The following LBP variants were observed in gnomAD, a reference collection of about 807,000 sequenced individuals.
LBP encodes lipopolysaccharide binding protein.
Under a neutral mutation model 56.6 loss-of-function variants are expected in LBP, and 53 were observed. The ratio of observed to expected loss-of-function variants is 0.94; its 90% CI spans 0.75 to 1.18. The LOEUF (loss-of-function observed/expected upper bound fraction) is 1.18, where lower values mean the gene tolerates loss of function less well. LBP is among the 50% of genes most tolerant of loss of function. The probability of loss-of-function intolerance (pLI) is 0.00; values close to 1 mark genes in which losing one functional copy is unlikely to be tolerated. For missense variants in LBP, 601 were observed against 598.3 expected, an observed-to-expected ratio of 1.00 and a Z score of -0.05; for synonymous variants, 227 against 247.5, an observed-to-expected ratio of 0.92 and a Z score of 0.78.
chr20:38,369,291 G>A (rs762163942), intron 10 of LBP, 129 bp downstream of exon 10: 49 of 926,332 alleles, frequency 5.3e-5, no homozygotes, highest in Middle Eastern at 3.3e-4. Flanking sequence ...ATTACTTCCC[G>A]AGAGAGGGCT....
chr20:38,375,590 A>G (rs1190805027), intron 14 of LBP, among the ~76,000 whole-genome samples: 1 of 152,208 alleles, frequency 6.6e-6, no homozygotes, highest in East Asian at 1.9e-4. Context: ...CAAAAGAAAA[A>G]AAAAATTAAC....
rs147682433 is a variant in LBP, at chr20:38,349,549, G to A, written c.126G>A (p.Ala42=). ...CTCCCAGCTATTTCCTTTCCACAGC[G>A]GCCCAGGAGGGGCTATTAGCTCTGC... ...ARITDKGLQY[A]AQEGLLALQS... is the part of the protein sequence containing the mutation. The change falls in exon 2 of 15, where the codon GCG becomes GCA. Residue 42 remains alanine, a splice_region_variant and synonymous_variant. Coordinates refer to ENST00000217407, the MANE Select transcript of LBP (RefSeq NM_004139.5). The A allele has an allele frequency of 1.1e-4, 175 of 1,598,646 alleles. No homozygotes were observed. The highest frequency in any genetic ancestry group is 2.7e-4 in the South Asian group (24 of 88,376).
At position 38,368,995 on chromosome 20, in the gene LBP, TTAGCCAGGCTC is replaced by T. The variant is rs778108200; in HGVS notation, c.985_995del (p.Ala329ProfsTer54). 1 of 1,614,134 alleles carries T rather than the reference TTAGCCAGGCTC, an allele frequency of 6.2e-7. No individual in the cohort carries two copies. Among genetic ancestry groups the T allele is most frequent in the Non-Finnish European group, 8.5e-7 (1 of 1,179,966 alleles). On this transcript the variant is annotated frameshift_variant and splice_region_variant, in exon 10 of 15. Coordinates refer to ENST00000217407, the MANE Select transcript of LBP (RefSeq NM_004139.5). LOFTEE classifies it high-confidence loss of function. ...TGTAATCTCCTAATTCTGCTCCCAG[TTAGCCAGGCTC>T]TACCCCAACATGAACCTGGAACTCC... is the stretch of plus-strand genomic sequence containing the variant.
chr20:38,347,120 G>A (rs1381390492), intron 1 of LBP, among the ~76,000 whole-genome samples: 2 of 152,208 alleles, frequency 1.3e-5, no homozygotes, highest in Non-Finnish European at 2.9e-5. Context: ...GAGGTCTGCC[G>A]GGGTGCTGGA....
At chr20:38,374,139 C>A in intron 14 of LBP, 126 bp downstream of exon 14, 2 of 926,644 alleles carry the variant, frequency 2.2e-6, no homozygotes, top group Non-Finnish European at 3.4e-6. Context: ...TGGCCAGGGG[C>A]AGGACGGGTG....
At chr20:38,356,086 AC>A (rs2076837838) in intron 5 of LBP, among the ~76,000 whole-genome samples, 1 of 125,514 alleles carries the variant, frequency 8.0e-6, no homozygotes, top group Non-Finnish European at 1.7e-5. Flanking sequence ...CACACACCAC[AC>A]CCCACACACA....
At chr20:38,348,438 G>A (rs536077540) in intron 1 of LBP, among the ~76,000 whole-genome samples, 4 of 151,812 alleles carry the variant, frequency 2.6e-5, no homozygotes, top group South Asian at 4.2e-4. Context: ...TCAGCCTCCC[G>A]AGTAGCTGGG....
At chr20:38,374,771 A>G (rs2076912247) in intron 14 of LBP, among the ~76,000 whole-genome samples, 1 of 146,176 alleles carries the variant, frequency 6.8e-6, no homozygotes, top group Admixed American at 7.0e-5. Flanking sequence ...AACAAGTACT[A>G]CAACCATATA....
At chr20:38,348,886 C>T (rs1413852187) in intron 1 of LBP, among the ~76,000 whole-genome samples, 1 of 152,034 alleles carries the variant, frequency 6.6e-6, no homozygotes, top group Non-Finnish European at 1.5e-5. Context: ...CTCTGCCTCC[C>T]GGGTTCAAGT....
intron 5 of LBP, among the ~76,000 whole-genome samples, chr20:38,357,919 T>C (rs998420603): frequency 6.6e-6 from 1 of 152,206 alleles, no homozygotes; most frequent in East Asian, 1.9e-4. Context: ...TGTATTATAA[T>C]TAACATATAA....
Position 38,364,572 on chromosome 20 carries a change from C to G in LBP, c.745-4C>G. 1 of 1,613,972 alleles carries G rather than the reference C, an allele frequency of 6.2e-7. No homozygotes were observed. Among genetic ancestry groups the G allele is most frequent in the Non-Finnish European group, 8.5e-7 (1 of 1,179,916 alleles). The stretch of plus-strand genomic sequence containing the variant: ...GTCCAATTGGACCCTATTTCCCTCT[C>G]CAGGGTGAAATCTTTCATCGTAACC... On this transcript the variant is annotated splice_polypyrimidine_tract_variant and splice_region_variant and intron_variant, in intron 7 of 14. Transcript: ENST00000217407.
intron 2 of LBP, among the ~76,000 whole-genome samples, chr20:38,350,402 T>C (rs1403964936): frequency 6.6e-6 from 1 of 152,176 alleles, no homozygotes; most frequent in Admixed American, 6.5e-5. Flanking sequence ...CCTGAATCTG[T>C]TTCCCCCCTA....
rs1223982939 is a variant in LBP at position 38,364,031 on chromosome 20, C to T, written c.709C>T (p.Arg237Trp). Residue 237 changes from arginine (R) to tryptophan (W), a missense_variant, in exon 7 of 15, where the codon CGG becomes TGG. By Grantham distance (101) the Arg-to-Trp change is moderately radical. Coordinates refer to ENST00000217407, the MANE Select transcript of LBP (RefSeq NM_004139.5). ...DIDYSLVEAP[R>W]ATAQMLEVMF... ...TGATTATAGCTTAGTGGAAGCCCCT[C>T]GGGCAACAGCCCAGATGCTGGAGGT... The T allele has an allele frequency of 3.1e-6, 5 of 1,613,910 alleles. No homozygotes were observed. The highest frequency in any genetic ancestry group is 4.2e-6 in the Non-Finnish European group (5 of 1,179,832).
chr20:38,348,542 C>G (rs536698396), intron 1 of LBP, among the ~76,000 whole-genome samples: 1 of 152,204 alleles, frequency 6.6e-6, no homozygotes, highest in South Asian at 2.1e-4. Flanking sequence ...CGATGATCCA[C>G]CCGCCTCGGC....
At chr20:38,354,205 C>G in intron 3 of LBP, 79 bp from the exon 4 acceptor site, 1 of 1,270,050 alleles carries the variant, frequency 7.9e-7, no homozygotes, top group Non-Finnish European at 1.1e-6. Flanking sequence ...GAGGTCAGAA[C>G]TGAGCCTTCT....
chr20:38,364,111 G>C, intron 7 of LBP, 45 bp downstream of exon 7: 1 of 1,350,478 alleles, frequency 7.4e-7, no homozygotes, highest in Non-Finnish European at 1.1e-6. Context: ...CTTTCCCTCA[G>C]GGTCAGCCAT....
In LBP at chr20:38,358,628, G is replaced by A. The variant is rs1307110983; in HGVS notation, c.589-2076G>A. 2.0e-5 allele frequency among the ~76,000 whole-genome samples: 3 copies of A among 152,176 alleles called. No homozygotes were observed. In the East Asian group the frequency reaches 5.8e-4, roughly 29 times the overall value. On this transcript the variant is annotated intron_variant, in intron 5 of 14. Coordinates refer to ENST00000217407, the MANE Select transcript of LBP (RefSeq NM_004139.5). ...TCCTCTCCCAGAAAATGGAGCAGCTGCAAAGAGAGGTTAAGATACAGCCCT... is the reference window on the plus strand; with the variant it reads ...TCCTCTCCCAGAAAATGGAGCAGCTACAAAGAGAGGTTAAGATACAGCCCT...
At position 38,376,670 on chromosome 20, in the gene LBP, G is replaced by A. The variant is rs912701463; in HGVS notation, c.*1G>A. 3.1e-6 allele frequency: 5 copies of A among 1,613,336 alleles called. No homozygotes were observed. In the African/African-American group the frequency reaches 4.0e-5, roughly 13 times the overall value. On this transcript the variant is annotated 3_prime_UTR_variant, in exon 15 of 15. Transcript: ENST00000217407. ...CAATGTCCAATACATGAGAGTTTGA[G>A]GACAAGAAAGATGAAGCTTGGAGGT...
chr20:38,366,738 C>T, intron 8 of LBP, 31 bp from the exon 9 acceptor site: 6 of 1,610,328 alleles, frequency 3.7e-6, no homozygotes, highest in Non-Finnish European at 5.1e-6. Context: ...GCGGGAGCAC[C>T]CTAAAACTTC....
Sources: gnomAD v4.1 joint callset for allele counts (sites outside exome capture counted in the v4.1 genomes callset) on GRCh38, gnomAD v4.1.1 for gene constraint, MANE v1.5 for transcripts, NCBI Gene and HGNC (gene_info 2026-07-23, HGNC 2026-07-21) for gene names.